Variants in XCR1 observed in about 807,000 individuals in gnomAD.
XCR1 encodes the protein X-C motif chemokine receptor 1.
For missense variants in XCR1, 356 were observed against 424.2 expected, an observed-to-expected ratio of 0.84 and a Z score of 1.41; for synonymous variants, 187 against 188.5, an observed-to-expected ratio of 0.99 and a Z score of 0.06.
intron 1 of XCR1, chr3:46,024,045 G>A: frequency 1.7e-6 from 2 of 1,173,782 alleles, no homozygotes; most frequent in East Asian, 2.3e-5. Flanking sequence ...CAAATGCCGG[G>A]AAAGCCAAGG....
chr3:46,023,977 AGCTTGCC>A (rs1708231919), intron 1 of XCR1: 1 of 1,449,326 alleles, frequency 6.9e-7, no homozygotes. Flanking sequence ...AGAATTACGG[AGCTTGCC>A]GCCACATTCA....
chr3:46,059,988 C>T (rs1020605141), intron 4 of XCR1, among the ~76,000 whole-genome samples: 22 of 152,024 alleles, frequency 1.4e-4, no homozygotes, highest in Admixed American at 4.6e-4. Flanking sequence ...AATACTAGGA[C>T]GTAAAGTCAA....
chr3:46,063,869 G>A (rs1698011848), intron 4 of XCR1, among the ~76,000 whole-genome samples: 1 of 152,028 alleles, frequency 6.6e-6, no homozygotes, highest in South Asian at 2.1e-4. Context: ...TTTCCCAATG[G>A]TTATTACTAA....
intron 1 of XCR1, among the ~76,000 whole-genome samples, chr3:46,081,526 G>A (rs1698362882): frequency 6.6e-6 from 1 of 152,166 alleles, no homozygotes; most frequent in East Asian, 1.9e-4. Context: ...CTGGGGAGAT[G>A]AAATCATCAA....
Position 46,067,006 on chromosome 3 carries a change from A to C in XCR1, c.-262-28T>G, listed in dbSNP as rs140939344. 2.0e-5 allele frequency among the ~76,000 whole-genome samples: 3 copies of C among 152,190 alleles called. No individual in the cohort carries two copies. The East Asian group carries it at 5.8e-4, about 29-fold the overall frequency. On this transcript the variant is annotated intron_variant, in intron 3 of 5. Coordinates refer to the XCR1 transcript ENST00000683768. ...GCAGTACAGAGTCAGACCTCAATAC[A>C]TGCTTGCTGAAGGGAGGACAGGAGC...
intron 4 of XCR1, among the ~76,000 whole-genome samples, chr3:46,060,474 A>G (rs1264289207): frequency 6.6e-6 from 1 of 152,202 alleles, no homozygotes; most frequent in African/African-American, 2.4e-5. Flanking sequence ...AATCATCCCA[A>G]CCAACACAGC....
At chr3:46,022,128 C>A in intron 1 of XCR1, 150 bp from the exon 2 acceptor site, 1 of 644,098 alleles carries the variant, frequency 1.6e-6, no homozygotes, top group Non-Finnish European at 2.5e-6. Flanking sequence ...AGTGACACCC[C>A]TGTCTCTACA....
upstream of XCR1, chr3:46,027,811 C>G (rs1658797872): frequency 6.6e-6 from 1 of 152,248 alleles, no homozygotes; most frequent in African/African-American, 2.4e-5. Context: ...CACATGCTTC[C>G]TCCCGATTGG....
intron 1 of XCR1, among the ~76,000 whole-genome samples, chr3:46,080,493 C>T (rs553193831): frequency 2.0e-5 from 3 of 152,072 alleles, no homozygotes; most frequent in East Asian, 1.9e-4. Context: ...ACTAGGGAGG[C>T]GGAGGTTGCA....
At chr3:46,023,794 A>G (rs1708222801) in intron 1 of XCR1, 2 of 1,540,878 alleles carry the variant, frequency 1.3e-6, no homozygotes, top group African/African-American at 2.7e-5. Context: ...TGATAAAACA[A>G]TTATAGAGGA....
chr3:46,083,493 T>C (rs1481170028), intron 1 of XCR1, among the ~76,000 whole-genome samples: 2 of 152,362 alleles, frequency 1.3e-5, no homozygotes, highest in East Asian at 3.9e-4. Flanking sequence ...GGAGATTCTA[T>C]TTAGAGAAAA....
intron 3 of XCR1, among the ~76,000 whole-genome samples, chr3:46,066,981 G>A (rs923659123): frequency 7.0e-6 from 1 of 142,956 alleles, no homozygotes; most frequent in Admixed American, 7.1e-5. Flanking sequence ...CCATATACCT[G>A]CAGTACAGAG....
intron 1 of XCR1, chr3:46,023,873 G>A (rs1708225358): frequency 1.3e-6 from 2 of 1,526,730 alleles, no homozygotes; most frequent in Non-Finnish European, 1.8e-6. Flanking sequence ...GAAAGATTAA[G>A]GAAAGAAAAT....
intron 4 of XCR1, among the ~76,000 whole-genome samples, chr3:46,059,826 C>T (rs1037306271): frequency 1.1e-4 from 17 of 152,310 alleles, no homozygotes; most frequent in African/African-American, 2.6e-4. Context: ...CTACAGCTAT[C>T]GTCTATATTT....
chr3:46,023,099 C>A (rs923558105), intron 1 of XCR1, among the ~76,000 whole-genome samples: 4 of 152,198 alleles, frequency 2.6e-5, no homozygotes, highest in Admixed American at 6.5e-5. Flanking sequence ...AAAACACCAG[C>A]GCGTGTGACG....
chr3:46,036,308 A>T (rs985784402), intron 5 of XCR1, among the ~76,000 whole-genome samples: 2 of 152,196 alleles, frequency 1.3e-5, no homozygotes, highest in Non-Finnish European at 2.9e-5. Context: ...TCAAACTGCT[A>T]TGGAAACTGC....
At position 46,023,350 on chromosome 3, in the gene XCR1, G is replaced by A. The variant is rs1708206186; in HGVS notation, c.-31-1372C>T. The A allele has an allele frequency of 8.1e-6, 11 of 1,363,340 alleles. No individual in the cohort carries two copies. The Admixed American group carries it at 1.2e-4, about 15-fold the overall frequency. The allele number at this position is 1,363,340 out of a possible 1,614,324, so 84.5% of individuals were successfully genotyped here. ...GGCTCATCAGCAGAGCAGACGAGCC[G>A]ACCGTTTATTAGCTGCAGGCAAATA... On this transcript the variant is annotated intron_variant, in intron 1 of 1. Coordinates refer to ENST00000309285, the MANE Select transcript of XCR1 (RefSeq NM_001024644.2).
Position 46,024,120 on chromosome 3 carries a change from C to T in XCR1, c.-31-2142G>A, listed in dbSNP as rs536231458. The T allele has an allele frequency of 7.0e-6, 5 of 717,368 alleles. No individual in the cohort carries two copies. In the East Asian group the frequency reaches 1.2e-4, roughly 18 times the overall value. 44.4% of individuals were successfully genotyped at this position (717,368 alleles called of 1,614,324 possible). ...CTCCAGAACTTCCCCTTATGGATCT[C>T]CCTGAGAATATTCTGAAAGGATTTA... On this transcript the variant is annotated intron_variant, in intron 1 of 1. Coordinates refer to ENST00000309285, the MANE Select transcript of XCR1 (RefSeq NM_001024644.2).
At chr3:46,070,819 A>T (rs1698151291) in intron 3 of XCR1, among the ~76,000 whole-genome samples, 1 of 151,814 alleles carries the variant, frequency 6.6e-6, no homozygotes, top group Non-Finnish European at 1.5e-5. Flanking sequence ...GTTAATTGTT[A>T]TCTAGTTGTT....
Sources: allele counts gnomAD v4.1 joint callset (sites outside exome capture counted in the v4.1 genomes callset), GRCh38; gene constraint gnomAD v4.1.1; transcripts MANE v1.5; gene names NCBI Gene and HGNC (gene_info 2026-07-23, HGNC 2026-07-21).